SPACA1: variants seen among roughly 807,000 people sequenced by gnomAD.
SPACA1 encodes sperm acrosome membrane-associated protein 1.
SPACA1 carries 17 observed loss-of-function variants against 32.6 expected under a neutral mutation model. That is an observed-to-expected ratio of 0.52 (90% CI 0.36 to 0.78). SPACA1 has a LOEUF of 0.78. Ranked by LOEUF, SPACA1 falls within the 30% of genes least tolerant of loss-of-function variation. SPACA1 has a pLI of 0.01. For missense variants in SPACA1, 363 were observed against 373.4 expected, an observed-to-expected ratio of 0.97 and a Z score of 0.23; for synonymous variants, 140 against 138.1, an observed-to-expected ratio of 1.01 and a Z score of -0.10.
At chr6:88,061,332 T>A (rs751600160) in intron 5 of SPACA1, among the ~76,000 whole-genome samples, 2 of 152,044 alleles carry the variant, frequency 1.3e-5, no homozygotes, top group Non-Finnish European at 2.9e-5. Flanking sequence ...TTTTTACAGA[T>A]GTAATTAGTT....
chr6:88,061,305 C>T (rs958690269), intron 5 of SPACA1, among the ~76,000 whole-genome samples: 10 of 152,120 alleles, frequency 6.6e-5, no homozygotes, highest in African/African-American at 2.2e-4. Flanking sequence ...GAATGTGACT[C>T]TATTTGGAAA....
chr6:88,053,983 A>G lies in SPACA1; in HGVS notation c.246A>G (p.Gly82=), dbSNP rs1775768774. The G allele has an allele frequency of 6.2e-7, 1 of 1,613,634 alleles. No homozygotes were observed. The highest frequency in any genetic ancestry group is 1.3e-5 in the African/African-American group (1 of 75,038). ...ATGTCGTCAAAGAAGTAGAATTCGG[A>G]ATGTGCACCGTTACATGTGGTAAGT... is the stretch of plus-strand genomic sequence containing the variant. ...NRNVVKEVEF[G]MCTVTCGIGV... The change falls in exon 2 of 7, where the codon GGA becomes GGG. Residue 82 remains glycine, a synonymous_variant. Coordinates refer to ENST00000237201, the MANE Select transcript of SPACA1 (RefSeq NM_030960.3).
intron 3 of SPACA1, among the ~76,000 whole-genome samples, chr6:88,058,512 G>A (rs956823970): frequency 6.6e-6 from 1 of 152,124 alleles, no homozygotes; most frequent in East Asian, 1.9e-4. Context: ...AGTGGCATGT[G>A]CATGTAGTCC....
intron 1 of SPACA1, among the ~76,000 whole-genome samples, chr6:88,050,042 T>C (rs1367482305): frequency 6.6e-6 from 1 of 152,244 alleles, no homozygotes; most frequent in African/African-American, 2.4e-5. Flanking sequence ...CCAATTAGAA[T>C]GATTGGTCCA....
chr6:88,054,312 A>G (rs806433), intron 2 of SPACA1, among the ~76,000 whole-genome samples: 91,433 of 151,530 alleles, frequency 0.6, 28,290 homozygotes, highest in East Asian at 0.8. Context: ...AGATTTTCCA[A>G]TGCATCTCAC....
intron 1 of SPACA1, among the ~76,000 whole-genome samples, chr6:88,050,101 A>G (rs1775707099): frequency 1.3e-5 from 2 of 152,216 alleles, no homozygotes; most frequent in Non-Finnish European, 2.9e-5. Flanking sequence ...TCACCTTTAT[A>G]TACATATCTT....
intron 1 of SPACA1, among the ~76,000 whole-genome samples, chr6:88,051,099 A>T (rs919073061): frequency 6.6e-6 from 1 of 151,998 alleles, no homozygotes; most frequent in Non-Finnish European, 1.5e-5. Context: ...GTGAGCCGAG[A>T]TTACGCCACT....
chr6:88,055,303 G>C (rs186466861), intron 2 of SPACA1, among the ~76,000 whole-genome samples: 5 of 152,112 alleles, frequency 3.3e-5, no homozygotes, highest in Admixed American at 3.3e-4. Context: ...GCCAGGCATC[G>C]TTATAGATGC....
chr6:88,065,748 T>C (rs1222430217), intron 6 of SPACA1, among the ~76,000 whole-genome samples: 1 of 151,244 alleles, frequency 6.6e-6, no homozygotes, highest in African/African-American at 2.4e-5. Flanking sequence ...CCGATTTTTT[T>C]TCCTGAGTAG....
intron 5 of SPACA1, among the ~76,000 whole-genome samples, chr6:88,063,817 TG>T (rs1445272052): frequency 1.3e-5 from 2 of 152,166 alleles, no homozygotes; most frequent in Admixed American, 6.6e-5. Context: ...AAAAATAAGA[TG>T]GATTAATGAA....
chr6:88,060,982 C>A (rs906270038), intron 5 of SPACA1, among the ~76,000 whole-genome samples: 1 of 152,184 alleles, frequency 6.6e-6, no homozygotes, highest in Non-Finnish European at 1.5e-5. Flanking sequence ...CATCTCAGTA[C>A]GTGCACTGAT....
At chr6:88,052,116 T>C (rs1044319641) in intron 1 of SPACA1, among the ~76,000 whole-genome samples, 86 of 152,216 alleles carry the variant, frequency 5.6e-4, no homozygotes, top group African/African-American at 2.0e-3. Context: ...CCCACCATTG[T>C]AGGATTCCCA....
intron 1 of SPACA1, 115 bp downstream of exon 1, chr6:88,048,228 C>G: frequency 9.1e-7 from 1 of 1,102,214 alleles, no homozygotes; most frequent in Non-Finnish European, 1.3e-6. Context: ...AGCTCTCTCT[C>G]ATACTTCAGC....
Position 88,064,207 on chromosome 6 carries a change from T to C in SPACA1, c.719T>C (p.Ile240Thr). The change falls in exon 6 of 7, where the codon ATA (isoleucine) becomes ACA (threonine). Residue 240 changes from isoleucine to threonine, a missense_variant. By Grantham distance (89) the Ile-to-Thr change is moderately conservative (BLOSUM62 -1). Coordinates refer to ENST00000237201, the MANE Select transcript of SPACA1 (RefSeq NM_030960.3). ...TTTATAATTTTCTTATTGATCTTCA[T>C]AATCATAAATTGGTAGGTGAATAGT... The part of the protein sequence containing the change: ...CVFIIFLLIF[I>T]IINWAAVKAF... 6.2e-7 allele frequency: 1 copy of C among 1,611,342 alleles called. No homozygotes were observed. The highest frequency in any genetic ancestry group is 8.5e-7 in the Non-Finnish European group (1 of 1,178,818).
At chr6:88,061,261 A>G (rs758507849) in intron 5 of SPACA1, among the ~76,000 whole-genome samples, 3 of 152,202 alleles carry the variant, frequency 2.0e-5, no homozygotes, top group Non-Finnish European at 2.9e-5. Context: ...TTTCATAATT[A>G]GGCATTGTTA....
intron 3 of SPACA1, 48 bp downstream of exon 3, chr6:88,057,761 C>T: frequency 1.3e-6 from 2 of 1,531,818 alleles, no homozygotes; most frequent in Non-Finnish European, 1.8e-6. Context: ...AGAGTTTACT[C>T]TGGGGAAATA....
chr6:88,055,374 TA>T (rs1357251757), intron 2 of SPACA1, among the ~76,000 whole-genome samples: 1 of 152,164 alleles, frequency 6.6e-6, no homozygotes, highest in Non-Finnish European at 1.5e-5. Flanking sequence ...TATAGTTTAG[TA>T]AGAGCAGACA....
In SPACA1 at chr6:88,047,884, A is replaced by G; in HGVS notation, c.-22A>G. 6.6e-7 allele frequency: 1 copy of G among 1,516,944 alleles called. No homozygotes were observed. The highest frequency in any genetic ancestry group is 8.9e-7 in the Non-Finnish European group (1 of 1,129,558). 94.0% of individuals were successfully genotyped at this position (1,516,944 alleles called of 1,614,324 possible). On this transcript the variant is annotated 5_prime_UTR_variant, in exon 1 of 7. Transcript: ENST00000237201. The stretch of plus-strand genomic sequence containing the variant: ...AGCCGCGGCGGCGACTGCGCCTCGG[A>G]CGGCCGTCGGGGCCGAGAACCATGA...
chr6:88,059,043 G>T (rs970796649), intron 4 of SPACA1, among the ~76,000 whole-genome samples: 2 of 152,140 alleles, frequency 1.3e-5, no homozygotes, highest in Non-Finnish European at 2.9e-5. Context: ...ACTTTAAAAC[G>T]TCTATTTTAC....
Sources: gnomAD v4.1 joint callset for allele counts (sites outside exome capture counted in the v4.1 genomes callset) on GRCh38, gnomAD v4.1.1 for gene constraint, MANE v1.5 for transcripts, NCBI Gene and HGNC (gene_info 2026-07-23, HGNC 2026-07-21) for gene names.